PARD3B: variants seen among roughly 807,000 people sequenced by gnomAD.
PARD3B encodes the protein partitioning defective 3 homolog B.
In PARD3B, 103 loss-of-function variants were observed where a neutral mutation model predicts 130.2. The observed-to-expected ratio is 0.79, with a 90% CI of 0.67 to 0.93. The LOEUF (loss-of-function observed/expected upper bound fraction) is 0.93, where lower values mean the gene tolerates loss of function less well. Ranked by LOEUF, PARD3B falls within the 40% of genes least tolerant of loss-of-function variation. PARD3B has a pLI of 0.00. For missense variants in PARD3B, 1,609 were observed against 1,499.2 expected (o/e 1.07, Z -1.21); for synonymous variants, 583 against 553.2 (o/e 1.05, Z -0.76).
chr2:204,721,131 T>C (rs1313022225), intron 2 of PARD3B, among the ~76,000 whole-genome samples: 1 of 152,144 alleles, frequency 6.6e-6, no homozygotes, highest in Admixed American at 6.6e-5. Context: ...TGCAGGCAAG[T>C]ATACAGCTAA....
rs2055539662 is a variant in PARD3B at position 205,619,681 on chromosome 2, A to T, written c.*3868A>T. The T allele has an allele frequency of 6.6e-6, 1 of 152,230 alleles. No homozygotes were observed. The highest frequency in any genetic ancestry group is 1.5e-5 in the Non-Finnish European group (1 of 68,040). 9.4% of individuals were successfully genotyped at this position (152,230 alleles called of 1,614,324 possible). On this transcript the variant is annotated 3_prime_UTR_variant, in exon 23 of 23. Transcript: ENST00000406610. ...GAGGGAAAAAAAAGTTAGATATCTA[A>T]AATAAGCCTAGAATCTCACACACAG... is the stretch of plus-strand genomic sequence containing the variant.
intron 4 of PARD3B, among the ~76,000 whole-genome samples, chr2:205,071,746 C>T (rs1182276929): frequency 3.9e-5 from 6 of 152,144 alleles, no homozygotes. Context: ...TACAGAGATA[C>T]ACACATAGTA....
chr2:205,514,717 G>A (rs1363959556), intron 21 of PARD3B, among the ~76,000 whole-genome samples: 1 of 151,834 alleles, frequency 6.6e-6, no homozygotes, highest in South Asian at 2.1e-4. Flanking sequence ...TACAACTACA[G>A]CCAGAAATAT....
rs190590919 is a variant in PARD3B, at chr2:204,931,806, A to G, written c.223-33346A>G. On this transcript the variant is annotated intron_variant, in intron 2 of 22. Coordinates refer to ENST00000406610, the MANE Select transcript of PARD3B (RefSeq NM_001302769.2). ...AAACTAAGAGTGGGGGGCAGGGAAG[A>G]GAATACCAGTCTAATTGCTAAAGTT... Among the ~76,000 whole-genome samples the G allele has an allele frequency of 3.3e-5, 5 of 152,192 alleles. No individual in the cohort carries two copies. The East Asian group carries it at 5.8e-4, about 18-fold the overall frequency.
chr2:205,413,881 CA>C (rs1261652076), intron 19 of PARD3B, among the ~76,000 whole-genome samples: 7 of 152,124 alleles, frequency 4.6e-5, no homozygotes, highest in African/African-American at 1.2e-4. Flanking sequence ...TAAATTTAAT[CA>C]GTTGAAATTA....
At chr2:204,563,395 G>A (rs189627675) in intron 1 of PARD3B, among the ~76,000 whole-genome samples, 5 of 151,906 alleles carry the variant, frequency 3.3e-5, no homozygotes, top group South Asian at 2.1e-4. Context: ...AGGTATGGGT[G>A]GGGGGGACTG....
Position 204,708,435 on chromosome 2 carries a change from A to G in PARD3B, c.222+22153A>G, listed in dbSNP as rs184569591. On this transcript the variant is annotated intron_variant, in intron 2 of 22. Transcript: ENST00000406610. ...GCTTTTGACATTACAAATTATAAAC[A>G]TAAACATTTTGGTTATTAGATTTCA... Among the ~76,000 whole-genome samples the G allele has an allele frequency of 3.7e-3, 558 of 152,364 alleles. 3 individuals are homozygous for G. The highest frequency in any genetic ancestry group is 0.013 in the African/African-American group (541 of 41,592).
chr2:205,212,549 G>A (rs1397226423), intron 15 of PARD3B, among the ~76,000 whole-genome samples: 2 of 152,116 alleles, frequency 1.3e-5, no homozygotes, highest in Non-Finnish European at 2.9e-5. Context: ...GCAATGCTGT[G>A]AAGTGGGGTG....
At chr2:205,594,490 G>C (rs1333546422) in intron 22 of PARD3B, among the ~76,000 whole-genome samples, 6 of 152,094 alleles carry the variant, frequency 3.9e-5, no homozygotes, top group African/African-American at 1.4e-4. Context: ...ACATGGGTCA[G>C]GGACCATGTG....
chr2:205,380,017 G>A (rs186084039), intron 18 of PARD3B, among the ~76,000 whole-genome samples: 87 of 144,346 alleles, frequency 6.0e-4, no homozygotes, highest in African/African-American at 1.8e-3. Flanking sequence ...GCAGTGAGCC[G>A]AGATCATGCC....
At position 205,458,942 on chromosome 2, in the gene PARD3B, T is replaced by A. The variant is rs1014196155; in HGVS notation, c.3044+18270T>A. On this transcript the variant is annotated intron_variant, in intron 20 of 22. Coordinates refer to ENST00000406610, the MANE Select transcript of PARD3B (RefSeq NM_001302769.2). The surrounding 1 kb of genome is among the most constrained non-coding windows in gnomAD (Gnocchi z 4.8). ...TTTAGTTATGTGAGGGGTAGTGTAT[T>A]AGTTTACTCTTACTCCTAGAGGGTA... 6.6e-6 allele frequency among the ~76,000 whole-genome samples: 1 copy of A among 152,204 alleles called. No individual in the cohort carries two copies. The highest frequency in any genetic ancestry group is 2.4e-5 in the African/African-American group (1 of 41,448).
intron 10 of PARD3B, among the ~76,000 whole-genome samples, chr2:205,138,176 A>C (rs953547089): frequency 2.0e-5 from 3 of 152,116 alleles, no homozygotes; most frequent in Non-Finnish European, 4.4e-5. Context: ...CCGTTCATGA[A>C]TTTCTTATTG....
chr2:205,023,136 G>A (rs145739365), intron 3 of PARD3B, among the ~76,000 whole-genome samples: 6 of 152,204 alleles, frequency 3.9e-5, no homozygotes, highest in East Asian at 3.9e-4. Context: ...AGAGAGTGTC[G>A]GGGGGATTAG....
chr2:205,553,303 T>G, intron 21 of PARD3B, 21 bp from the exon 22 acceptor site: 1 of 1,605,496 alleles, frequency 6.2e-7, no homozygotes, highest in South Asian at 1.1e-5. Flanking sequence ...TCTTCATCTC[T>G]AATTGCTTTT....
intron 22 of PARD3B, among the ~76,000 whole-genome samples, chr2:205,579,404 C>CA (rs773086632): frequency 6.6e-6 from 1 of 152,122 alleles, no homozygotes; most frequent in Non-Finnish European, 1.5e-5. Context: ...TTTGAGAATT[C>CA]TAATAAACAA....
intron 2 of PARD3B, among the ~76,000 whole-genome samples, chr2:204,823,034 C>G (rs1262330111): frequency 6.6e-6 from 1 of 152,112 alleles, no homozygotes; most frequent in Non-Finnish European, 1.5e-5. Flanking sequence ...TTTCCCACAG[C>G]CAGCTTTCCC....
intron 16 of PARD3B, among the ~76,000 whole-genome samples, chr2:205,273,804 C>T (rs761754644): frequency 7.9e-5 from 12 of 152,314 alleles, no homozygotes; most frequent in South Asian, 2.1e-4. Context: ...CCGTATTCTG[C>T]GGCCAAATGG....
chr2:205,126,699 T>A (rs1270066264), intron 10 of PARD3B, among the ~76,000 whole-genome samples: 1 of 133,010 alleles, frequency 7.5e-6, no homozygotes, highest in Non-Finnish European at 1.5e-5. Context: ...TGAGCCGAGA[T>A]TGCGCCACTG....
intron 2 of PARD3B, among the ~76,000 whole-genome samples, chr2:204,889,279 C>T (rs1198093595): frequency 3.3e-5 from 5 of 152,116 alleles, no homozygotes; most frequent in Non-Finnish European, 5.9e-5. Context: ...TTCATGATCT[C>T]GATTCTTCCT....
Sources: allele counts gnomAD v4.1 joint callset (sites outside exome capture counted in the v4.1 genomes callset), GRCh38; gene constraint gnomAD v4.1.1; non-coding constraint Gnocchi (gnomAD v3.1); transcripts MANE v1.5; gene names NCBI Gene and HGNC (gene_info 2026-07-23, HGNC 2026-07-21).